Variants in POLH observed in about 807,000 individuals in gnomAD.
POLH encodes the protein DNA polymerase eta transcript.
Under a neutral mutation model 73.6 loss-of-function variants are expected in POLH, and 53 were observed. The ratio of observed to expected loss-of-function variants is 0.72; its 90% CI spans 0.58 to 0.91. POLH has a LOEUF of 0.91. Among genes scored for constraint, POLH ranks in the 40% least tolerant of loss-of-function variants. POLH has a pLI of 0.00. For missense variants in POLH, 768 were observed against 865.4 expected, an observed-to-expected ratio of 0.89 and a Z score of 1.41; for synonymous variants, 292 against 308.5, an observed-to-expected ratio of 0.95 and a Z score of 0.56.
At position 43,616,620 on chromosome 6, in the gene POLH, T is replaced by C. The variant is rs1768368581; in HGVS notation, c.*2063T>C. Among the ~76,000 whole-genome samples the C allele has an allele frequency of 6.6e-6, 1 of 151,872 alleles. No individual in the cohort carries two copies. The highest frequency in any genetic ancestry group is 2.4e-5 in the African/African-American group (1 of 41,378). On this transcript the variant is annotated 3_prime_UTR_variant, in exon 11 of 11. Coordinates refer to ENST00000372236, the MANE Select transcript of POLH (RefSeq NM_006502.3). ...AAAAAACAAAAGAAAAACTTCTCTC[T>C]AGCTCTGTGACGGGCAGTTCAGATA...
At chr6:43,585,671 G>T (rs1156609560) in intron 3 of POLH, among the ~76,000 whole-genome samples, 6 of 143,026 alleles carry the variant, frequency 4.2e-5, no homozygotes, top group African/African-American at 1.7e-4. Flanking sequence ...GGGGGACGGA[G>T]TTTCACTCTT....
chr6:43,605,443 CTTTTTTT>C lies in POLH; in HGVS notation c.1074+142_1074+148del, dbSNP rs540143863. 1.0e-3 allele frequency: 297 copies of C among 296,210 alleles called. 1 individual carries two copies. The highest frequency in any genetic ancestry group is 7.6e-3 in the African/African-American group (215 of 28,132). The allele number at this position is 296,210 out of a possible 1,614,324, so 18.3% of individuals were successfully genotyped here. A position where few individuals can be genotyped will look rare whatever the true frequency, so the allele number is the denominator to read the frequency against. On this transcript the variant is annotated intron_variant, in intron 9 of 10. Coordinates refer to ENST00000372236, the MANE Select transcript of POLH (RefSeq NM_006502.3). Reference sequence around the variant, plus strand: ...AGCATAGGAAATATCCGTTTTCTTTCTTTTTTTTTTTTTTTTTTTTTTTTGAGACATG... The same window carrying C: ...AGCATAGGAAATATCCGTTTTCTTTCTTTTTTTTTTTTTTTTTGAGACATG...
chr6:43,585,090 T>C (rs1358917278), intron 3 of POLH, among the ~76,000 whole-genome samples: 2 of 152,184 alleles, frequency 1.3e-5, no homozygotes, highest in East Asian at 1.9e-4. Context: ...GCCCAGGAGA[T>C]TGTGGTTCCA....
rs1429264396 is a variant in POLH at position 43,619,241 on chromosome 6, G to A, written c.*4684G>A. Among the ~76,000 whole-genome samples the A allele has an allele frequency of 6.6e-6, 1 of 151,798 alleles. No individual in the cohort carries two copies. Among genetic ancestry groups the A allele is most frequent in the Non-Finnish European group, 1.5e-5 (1 of 67,970 alleles). On this transcript the variant is annotated 3_prime_UTR_variant, in exon 11 of 11. Coordinates refer to ENST00000372236, the MANE Select transcript of POLH (RefSeq NM_006502.3). ...AATACAAAGATGGTGGCTTATGCCT[G>A]TAGTCGTACCTACTCAGGAGGCTGA... is the stretch of plus-strand genomic sequence containing the variant.
chr6:43,605,242 A>C lies in POLH; in HGVS notation c.1009-12A>C. 1 of 1,514,892 alleles carries C rather than the reference A, an allele frequency of 6.6e-7. No homozygotes were observed. The allele number at this position is 1,514,892 out of a possible 1,614,324, so 93.8% of individuals were successfully genotyped here. On this transcript the variant is annotated splice_polypyrimidine_tract_variant and intron_variant, in intron 8 of 10. Coordinates refer to ENST00000372236, the MANE Select transcript of POLH (RefSeq NM_006502.3). ...GTTTAAATGAAAGATTAAAGTCTCAATACTTTTTTAGGTACAATGGTGGCT... is the reference window on the plus strand; with the variant it reads ...GTTTAAATGAAAGATTAAAGTCTCACTACTTTTTTAGGTACAATGGTGGCT...
chr6:43,577,912 G>A (rs1019522208), intron 1 of POLH, among the ~76,000 whole-genome samples: 6 of 150,770 alleles, frequency 4.0e-5, no homozygotes, highest in Non-Finnish European at 8.9e-5. Context: ...GTGAAACCCC[G>A]TCTCTACTAA....
chr6:43,607,129 T>A (rs551009887), intron 9 of POLH, among the ~76,000 whole-genome samples: 1 of 152,392 alleles, frequency 6.6e-6, no homozygotes, highest in African/African-American at 2.4e-5. Flanking sequence ...GGAGTCTCGC[T>A]CTGTCACCAG....
intron 3 of POLH, 56 bp downstream of exon 3, chr6:43,583,197 G>A (rs1435487540): frequency 1.3e-6 from 2 of 1,512,006 alleles, no homozygotes; most frequent in Non-Finnish European, 1.8e-6. Flanking sequence ...AATACTCCAT[G>A]AGGCTAGGAA....
intron 10 of POLH, among the ~76,000 whole-genome samples, chr6:43,611,796 C>T (rs1324937584): frequency 6.6e-6 from 1 of 152,146 alleles, no homozygotes; most frequent in Non-Finnish European, 1.5e-5. Context: ...TGGCTCACGG[C>T]TGTAATCCCA....
At chr6:43,613,513 T>G in intron 10 of POLH, 147 bp from the exon 11 acceptor site, 1 of 691,250 alleles carries the variant, frequency 1.4e-6, no homozygotes, top group Non-Finnish European at 2.5e-6. Context: ...AAGAATAATT[T>G]CTGTGGCAGA....
At position 43,583,137 on chromosome 6, in the gene POLH, A is replaced by T. The variant is rs1185430714; in HGVS notation, c.268A>T (p.Thr90Ser). 6.2e-7 allele frequency: 1 copy of T among 1,613,836 alleles called. No individual in the cohort carries two copies. The highest frequency in any genetic ancestry group is 1.7e-5 in the Admixed American group (1 of 59,992). The change falls in exon 3 of 11, where the codon ACC becomes TCC. Residue 90 changes from threonine (T) to serine (S), a missense_variant. By Grantham distance (58) the Thr-to-Ser change is moderately conservative. Transcript: ENST00000372236. ...TGAGTCCCGTGGGAAAGCTAACCTCACCAAGTAAGAAAAAAACATTATTTA... is the reference window on the plus strand; with the variant it reads ...TGAGTCCCGTGGGAAAGCTAACCTCTCCAAGTAAGAAAAAAACATTATTTA... ...VRESRGKANLTKYREASVEVM... is the reference protein window; with the variant it reads ...VRESRGKANLSKYREASVEVM...
intron 5 of POLH, among the ~76,000 whole-genome samples, chr6:43,599,610 C>T (rs1766502388): frequency 1.3e-5 from 2 of 151,174 alleles, no homozygotes; most frequent in African/African-American, 4.8e-5. Flanking sequence ...GGAAAGTTGC[C>T]AAACTACCCA....
At chr6:43,596,749 T>C (rs1766107116) in intron 4 of POLH, among the ~76,000 whole-genome samples, 1 of 151,638 alleles carries the variant, frequency 6.6e-6, no homozygotes, top group South Asian at 2.1e-4. Flanking sequence ...AGTTCTTCTG[T>C]AGGGAGTCAG....
At chr6:43,596,420 T>C (rs537975677) in intron 4 of POLH, among the ~76,000 whole-genome samples, 2 of 152,192 alleles carry the variant, frequency 1.3e-5, no homozygotes, top group South Asian at 4.2e-4. Flanking sequence ...CAGGCAGAGC[T>C]TGCAGTGAGG....
rs1768262188 is a variant in POLH, at chr6:43,615,471, C to G, written c.*914C>G. On this transcript the variant is annotated 3_prime_UTR_variant, in exon 11 of 11. Coordinates refer to ENST00000372236, the MANE Select transcript of POLH (RefSeq NM_006502.3). ...TCAGGAGGCTAAGGCAGGAGAATCA[C>G]TTGAACCCAGGAGGCAGAGGTTGGA... 6.6e-6 allele frequency: 1 copy of G among 151,524 alleles called. No individual in the cohort carries two copies. The highest frequency in any genetic ancestry group is 1.5e-5 in the Non-Finnish European group (1 of 67,944). The allele number at this position is 151,524 out of a possible 1,614,324, so 9.4% of individuals were successfully genotyped here.
At chr6:43,613,563 G>C in intron 10 of POLH, 97 bp from the exon 11 acceptor site, 1 of 1,029,066 alleles carries the variant, frequency 9.7e-7, no homozygotes, top group Non-Finnish European at 1.5e-6. Context: ...TCTGTCCTAT[G>C]GTGAAATAAA....
At position 43,601,045 on chromosome 6, in the gene POLH, C is replaced by A; in HGVS notation, c.718C>A (p.His240Asn). 6.2e-7 allele frequency: 1 copy of A among 1,614,140 alleles called. No homozygotes were observed. Among genetic ancestry groups the A allele is most frequent in the Non-Finnish European group, 8.5e-7 (1 of 1,180,002 alleles). Residue 240 changes from histidine to asparagine, a missense_variant, in exon 6 of 11, where the codon CAT becomes AAT. Coordinates refer to ENST00000372236, the MANE Select transcript of POLH (RefSeq NM_006502.3). ...NKPNRQTLVSHGSVPQLFSQM... is the reference protein window; with the variant it reads ...NKPNRQTLVSNGSVPQLFSQM... ...GCCCAACCGCCAAACCCTGGTTTCA[C>A]ATGGGTCAGTCCCACAGCTCTTCAG...
At chr6:43,599,988 G>A (rs756915634) in intron 5 of POLH, among the ~76,000 whole-genome samples, 12 of 151,682 alleles carry the variant, frequency 7.9e-5, no homozygotes, top group South Asian at 2.1e-4. Context: ...GAGAAACTCC[G>A]TCTCTACTAA....
intron 4 of POLH, chr6:43,591,288 C>A (rs973881576): frequency 2.6e-5 from 4 of 152,134 alleles, no homozygotes; most frequent in African/African-American, 9.7e-5. Flanking sequence ...TCTTACCTTT[C>A]TGTACCACAT....
Sources: allele counts gnomAD v4.1 joint callset (sites outside exome capture counted in the v4.1 genomes callset), GRCh38; gene constraint gnomAD v4.1.1; transcripts MANE v1.5; gene names NCBI Gene and HGNC (gene_info 2026-07-23, HGNC 2026-07-21).